FLNB: variants seen among roughly 807,000 people sequenced by gnomAD.
The protein encoded by FLNB is filamin B, also known as filamin-B.
A neutral mutation model predicts 250.6 loss-of-function variants in FLNB; 111 were observed. The observed-to-expected ratio is 0.44, with a 90% CI of 0.38 to 0.52. The LOEUF is 0.52. Among genes scored for constraint, FLNB ranks in the 20% least tolerant of loss-of-function variants. FLNB has a pLI of 0.00. For synonymous variants in FLNB, 1,302 were observed against 1,372.1 expected, an observed-to-expected ratio of 0.95 and a Z score of 1.13; for missense variants, 2,869 against 3,447.8, an observed-to-expected ratio of 0.83 and a Z score of 4.20.
chr3:58,041,351 G>T (rs2097145737), intron 1 of FLNB, among the ~76,000 whole-genome samples: 1 of 152,232 alleles, frequency 6.6e-6, no homozygotes, highest in Admixed American at 6.5e-5. Flanking sequence ...GAACCAGCCA[G>T]TGTGTGCATT....
rs112427416 is a variant in FLNB at position 58,169,613 on chromosome 3, T to C, written c.7441T>C (p.Ser2481Pro). The change falls in exon 45 of 46, where the codon TCA becomes CCA. Residue 2481 changes from serine to proline, a missense_variant. Physicochemically the swap from Ser to Pro is moderately conservative, Grantham distance 74. Around this residue, in one of 5 missense-constraint regions of FLNB, gnomAD observed 1,084 missense variants for 1,315.5 expected, o/e 0.82. Transcript: ENST00000295956. This position sits in a 1 kb window ranked among gnomAD's most constrained non-coding sequence, Gnocchi z 4.8. Reference protein sequence around the residue: ...VTGQRLVSPGSANETSSILVE... With the variant: ...VTGQRLVSPGPANETSSILVE... ...AGGCCAGCGTCTAGTTAGCCCTGGC[T>C]CAGCCAACGAGACCTCATCCATCCT... The C allele has an allele frequency of 3.7e-5, 60 of 1,614,130 alleles. No individual in the cohort carries two copies. The highest frequency in any genetic ancestry group is 5.0e-5 in the Admixed American group (3 of 60,028).
chr3:58,126,148 G>A (rs528086670), intron 23 of FLNB, among the ~76,000 whole-genome samples: 7 of 152,270 alleles, frequency 4.6e-5, no homozygotes, highest in East Asian at 3.9e-4. Flanking sequence ...TGGCCGAGAC[G>A]GGACAATTGC....
intron 1 of FLNB, among the ~76,000 whole-genome samples, chr3:58,062,216 G>T (rs2097179740): frequency 6.6e-6 from 1 of 152,218 alleles, no homozygotes; most frequent in African/African-American, 2.4e-5. Context: ...TGGTGTTTAT[G>T]CTTCCAGATC....
chr3:58,053,629 T>G (rs2097165956), intron 1 of FLNB, among the ~76,000 whole-genome samples: 1 of 151,118 alleles, frequency 6.6e-6, no homozygotes, highest in African/African-American at 2.4e-5. Context: ...CCCGGCTAAT[T>G]TTTTTTTTAT....
chr3:58,090,707 A>G (rs1165269483), intron 4 of FLNB, among the ~76,000 whole-genome samples: 3 of 152,242 alleles, frequency 2.0e-5, no homozygotes, highest in Non-Finnish European at 4.4e-5. Flanking sequence ...TGAGCTGTAT[A>G]TAATGAAGAA....
chr3:58,124,291 G>C (rs777839216), intron 21 of FLNB, 41 bp from the exon 22 acceptor site: 3 of 1,611,750 alleles, frequency 1.9e-6, no homozygotes, highest in Non-Finnish European at 2.5e-6. Context: ...TTTTGGGTCT[G>C]GGGTACTGGT....
At chr3:58,108,107 G>A (rs1316771764) in intron 12 of FLNB, among the ~76,000 whole-genome samples, 4 of 151,718 alleles carry the variant, frequency 2.6e-5, no homozygotes, top group African/African-American at 7.3e-5. Context: ...AATGATAGCC[G>A]ATGAACAAAA....
intron 18 of FLNB, among the ~76,000 whole-genome samples, chr3:58,114,717 T>TTTTG (rs1553699395): frequency 2.0e-5 from 3 of 150,480 alleles, no homozygotes; most frequent in African/African-American, 7.3e-5. Flanking sequence ...GTTTTTTTTT[T>TTTTG]TTGTTGTTGT....
intron 4 of FLNB, among the ~76,000 whole-genome samples, chr3:58,086,254 G>T (rs1034323918): frequency 6.6e-6 from 1 of 151,116 alleles, no homozygotes; most frequent in Non-Finnish European, 1.5e-5. Context: ...CCCTGCCTTG[G>T]CCCCCTCAAA....
At chr3:58,114,201 G>A (rs1465119207) in intron 18 of FLNB, among the ~76,000 whole-genome samples, 1 of 152,124 alleles carries the variant, frequency 6.6e-6, no homozygotes, top group African/African-American at 2.4e-5. Flanking sequence ...TGTCTCCTGG[G>A]TTCAAGTGAT....
At position 58,096,196 on chromosome 3, in the gene FLNB, C is replaced by T. The variant is rs2097238267; in HGVS notation, c.962C>T (p.Pro321Leu). The T allele has an allele frequency of 6.2e-7, 1 of 1,613,880 alleles. No homozygotes were observed. The highest frequency in any genetic ancestry group is 8.5e-7 in the Non-Finnish European group (1 of 1,179,804). The change falls in exon 6 of 46, where the codon CCC (proline) becomes CTC (leucine). Residue 321 changes from proline to leucine, a missense_variant. Physicochemically the swap from Pro to Leu is moderately conservative, Grantham distance 98. Around this residue, in one of 5 missense-constraint regions of FLNB, gnomAD observed 308 missense variants for 466.1 expected, o/e 0.66. Coordinates refer to ENST00000295956, the MANE Select transcript of FLNB (RefSeq NM_001457.4). ...KNKTYSVEYLPKVTGLHKVTV... is the reference protein window; with the variant it reads ...KNKTYSVEYLLKVTGLHKVTV... ...AAGACATACTCTGTGGAGTATCTGCCCAAGGTCACCGGGCTACACAAAGTA... is the reference window on the plus strand; with the variant it reads ...AAGACATACTCTGTGGAGTATCTGCTCAAGGTCACCGGGCTACACAAAGTA...
chr3:58,143,748 A>G, intron 32 of FLNB, 135 bp downstream of exon 32: 1 of 1,054,536 alleles, frequency 9.5e-7, no homozygotes, highest in Non-Finnish European at 1.4e-6. Flanking sequence ...TACCCCTGTG[A>G]AACCAAACAG....
intron 16 of FLNB, 144 bp from the exon 17 acceptor site, chr3:58,111,647 C>T: frequency 1.5e-6 from 1 of 682,368 alleles, no homozygotes. Flanking sequence ...GCTTATCTTA[C>T]CCTTCTGTTT....
At chr3:58,013,214 T>C (rs1286227481) in intron 1 of FLNB, among the ~76,000 whole-genome samples, 1 of 152,164 alleles carries the variant, frequency 6.6e-6, no homozygotes, top group Non-Finnish European at 1.5e-5. Context: ...CCTAGAAGTT[T>C]GGGTGGTGTG....
intron 1 of FLNB, among the ~76,000 whole-genome samples, chr3:58,035,111 C>T (rs2097136212): frequency 6.6e-6 from 1 of 152,154 alleles, no homozygotes; most frequent in Non-Finnish European, 1.5e-5. Flanking sequence ...ACTAGGTTGC[C>T]ATTTATTCTT....
intron 31 of FLNB, 60 bp from the exon 32 acceptor site, chr3:58,143,413 C>T (rs2097330496): frequency 6.2e-7 from 1 of 1,601,074 alleles, no homozygotes; most frequent in Admixed American, 1.7e-5. Context: ...GCCTTGGGCT[C>T]TGCTTCTCTG....
At chr3:58,113,016 T>TA (rs919586724) in intron 18 of FLNB, among the ~76,000 whole-genome samples, 1 of 152,120 alleles carries the variant, frequency 6.6e-6, no homozygotes. Flanking sequence ...TTAAAAACAT[T>TA]AAAAAAAATT....
intron 1 of FLNB, among the ~76,000 whole-genome samples, chr3:58,076,548 G>A (rs1019792908): frequency 7.9e-5 from 12 of 152,104 alleles, no homozygotes; most frequent in Admixed American, 3.9e-4. Context: ...TTCACTTCCC[G>A]GGCTCAAGCG....
chr3:58,034,086 C>G (rs2097134667), intron 1 of FLNB, among the ~76,000 whole-genome samples: 1 of 152,136 alleles, frequency 6.6e-6, no homozygotes, highest in African/African-American at 2.4e-5. Context: ...GTCTCGAACT[C>G]CTGACCTTAG....
Sources: gnomAD v4.1 joint callset for allele counts (sites outside exome capture counted in the v4.1 genomes callset) on GRCh38, gnomAD v4.1.1 for gene constraint, gnomAD v4.1.1 regional missense constraint, Gnocchi (gnomAD v3.1) non-coding constraint, MANE v1.5 for transcripts, NCBI Gene and HGNC (gene_info 2026-07-23, HGNC 2026-07-21) for gene names.